RHOU: variants seen among roughly 807,000 people sequenced by gnomAD.
RHOU encodes the protein ras homolog family member U, also known as rho-related GTP-binding protein RhoU.
Under a neutral mutation model 12.6 loss-of-function variants are expected in RHOU, and 8 were observed. That is an observed-to-expected ratio of 0.64 (90% CI 0.37 to 1.15). The LOEUF is 1.15. Among genes scored for constraint, RHOU ranks in the 50% most tolerant of loss-of-function variants. The pLI, the probability that RHOU is intolerant of heterozygous loss-of-function variation, is 0.01. For missense variants in RHOU, 258 were observed against 347.0 expected (o/e 0.74, Z 2.04); for synonymous variants, 161 against 147.4 (o/e 1.09, Z -0.67).
intron 2 of RHOU, among the ~76,000 whole-genome samples, chr1:228,741,481 G>A (rs1662719860): frequency 6.6e-6 from 1 of 152,040 alleles, no homozygotes; most frequent in African/African-American, 2.4e-5. Flanking sequence ...ATGGCCAGGG[G>A]TGCAGCTACC....
chr1:228,697,783 C>A, the RHOU span, among the ~76,000 whole-genome samples: 1 of 152,144 alleles, frequency 6.6e-6, no homozygotes, highest in Non-Finnish European at 1.5e-5. Flanking sequence ...GTAAAACCAC[C>A]AAAGGCCAGG....
At chr1:228,719,656 G>A in the RHOU span, among the ~76,000 whole-genome samples, 1 of 152,084 alleles carries the variant, frequency 6.6e-6, no homozygotes, top group South Asian at 2.1e-4. Context: ...CTTGAACCCT[G>A]GGGGTGGAGT....
chr1:228,704,291 C>G, the RHOU span, among the ~76,000 whole-genome samples: 1 of 152,106 alleles, frequency 6.6e-6, no homozygotes, highest in African/African-American at 2.4e-5. Flanking sequence ...ACCTTGGGCA[C>G]ATGTCAGGAA....
the RHOU span, among the ~76,000 whole-genome samples, chr1:228,647,063 G>T: frequency 1.3e-5 from 2 of 152,180 alleles, no homozygotes; most frequent in African/African-American, 2.4e-5. Flanking sequence ...GAGCGAGAAC[G>T]TTTGAGCCTT....
chr1:228,689,094 T>C, the RHOU span, among the ~76,000 whole-genome samples: 12 of 152,182 alleles, frequency 7.9e-5, no homozygotes, highest in Admixed American at 2.0e-4. Context: ...TGCTTTTCCC[T>C]CACTTCCGTC....
rs1662629895 is a variant in RHOU at position 228,737,263 on chromosome 1, T to C, written c.263-410T>C. On this transcript the variant is annotated intron_variant, in intron 1 of 2. Transcript: ENST00000366691. The surrounding 1 kb of genome is among the most constrained non-coding windows in gnomAD (Gnocchi z 4.1). ...TGATAAACCCTGAAGTTGGGGAACCTTTCCCAAGGGAAAACAGAATTATTT... is the reference window on the plus strand; with the variant it reads ...TGATAAACCCTGAAGTTGGGGAACCCTTCCCAAGGGAAAACAGAATTATTT... Among the ~76,000 whole-genome samples, 1 of 152,240 alleles carries C rather than the reference T, an allele frequency of 6.6e-6. No homozygotes were observed. Among genetic ancestry groups the C allele is most frequent in the Non-Finnish European group, 1.5e-5 (1 of 68,038 alleles).
At chr1:228,663,625 C>CTTTTTTTTTTTTTTTTTTTTTTTTTTTTT in the RHOU span, among the ~76,000 whole-genome samples, 15 of 58,768 alleles carry the variant, frequency 2.6e-4, no homozygotes, top group South Asian at 6.5e-4. Flanking sequence ...CTTTTCTTTT[C>CTTTTTTTTTTTTTTTTTTTTTTTTTTTTT]TTTTTTTTTT....
the RHOU span, among the ~76,000 whole-genome samples, chr1:228,722,704 C>G: frequency 6.6e-6 from 1 of 151,614 alleles, no homozygotes; most frequent in African/African-American, 2.4e-5. Flanking sequence ...CTCACTGCAA[C>G]CTCTGCCTCC....
At chr1:228,659,966 C>CAA in the RHOU span, among the ~76,000 whole-genome samples, 46 of 76,722 alleles carry the variant, frequency 6.0e-4, no homozygotes, top group Middle Eastern at 8.9e-3. Context: ...AAAAAAAAAA[C>CAA]AAAAAAAAAA....
chr1:228,720,146 A>T, the RHOU span, among the ~76,000 whole-genome samples: 2 of 152,084 alleles, frequency 1.3e-5, no homozygotes, highest in Non-Finnish European at 2.9e-5. Flanking sequence ...TGGGCAACAT[A>T]GCGAGACCCC....
At chr1:228,742,247 T>C (rs1038977095) in intron 2 of RHOU, among the ~76,000 whole-genome samples, 3 of 152,232 alleles carry the variant, frequency 2.0e-5, no homozygotes, top group African/African-American at 4.8e-5. Context: ...CAGGGAACTA[T>C]AGGATGTTTT....
chr1:228,649,098 C>T, the RHOU span, among the ~76,000 whole-genome samples: 2 of 152,172 alleles, frequency 1.3e-5, no homozygotes, highest in Non-Finnish European at 2.9e-5. Flanking sequence ...CTCCAGACCT[C>T]GGGTGATCTG....
At chr1:228,707,130 ATATATATATATATATG>A in the RHOU span, among the ~76,000 whole-genome samples, 2 of 110,190 alleles carry the variant, frequency 1.8e-5, no homozygotes, top group African/African-American at 8.2e-5. Flanking sequence ...ATATATACAT[ATATATATATATATATG>A]TATATATATA....
chr1:228,732,603 A>C (rs1223368510), upstream of RHOU, among the ~76,000 whole-genome samples: 1 of 152,160 alleles, frequency 6.6e-6, no homozygotes, highest in African/African-American at 2.4e-5. Context: ...TGAATAGGGC[A>C]AACATTAGTT....
At chr1:228,741,002 G>C (rs537315130) in intron 2 of RHOU, among the ~76,000 whole-genome samples, 1 of 152,040 alleles carries the variant, frequency 6.6e-6, no homozygotes, top group African/African-American at 2.4e-5. Context: ...AAAGTATTGC[G>C]GAAATAGGAG....
the RHOU span, among the ~76,000 whole-genome samples, chr1:228,647,550 G>C: frequency 6.6e-6 from 1 of 152,360 alleles, no homozygotes; most frequent in East Asian, 1.9e-4. Context: ...TGGCGTCTGT[G>C]GTACCCGCTG....
the RHOU span, among the ~76,000 whole-genome samples, chr1:228,689,143 CT>C: frequency 5.3e-5 from 8 of 152,314 alleles, no homozygotes; most frequent in Non-Finnish European, 7.4e-5. Context: ...TGGAGCTTCT[CT>C]TCCCACTATC....
the RHOU span, among the ~76,000 whole-genome samples, chr1:228,676,277 CTT>C: frequency 6.6e-6 from 1 of 152,118 alleles, no homozygotes; most frequent in Non-Finnish European, 1.5e-5. Flanking sequence ...GAACCTTACT[CTT>C]ATATTTTAAA....
At chr1:228,688,074 TTTTGTTTG>T in the RHOU span, among the ~76,000 whole-genome samples, 1 of 150,158 alleles carries the variant, frequency 6.7e-6, no homozygotes, top group South Asian at 2.2e-4. Context: ...AGAGCAAGGA[TTTTGTTTG>T]TTTGTTTGTT....
Sources: gnomAD v4.1 joint callset for allele counts (sites outside exome capture counted in the v4.1 genomes callset) on GRCh38, gnomAD v4.1.1 for gene constraint, Gnocchi (gnomAD v3.1) non-coding constraint, MANE v1.5 for transcripts, NCBI Gene and HGNC (gene_info 2026-07-23, HGNC 2026-07-21) for gene names.